The following CLASP2 variants were observed in gnomAD, a reference collection of about 807,000 sequenced individuals.
CLASP2 encodes the protein cytoplasmic linker associated protein 2.
A neutral mutation model predicts 194.4 loss-of-function variants in CLASP2; 47 were observed. That is an observed-to-expected ratio of 0.24 (90% CI 0.19 to 0.31). The LOEUF is 0.31. CLASP2 is among the 10% of genes least tolerant of loss of function. CLASP2 has a pLI of 1.00. For synonymous variants in CLASP2, 619 were observed against 633.5 expected (o/e 0.98, Z 0.34); for missense variants, 1,445 against 1,823.6 (o/e 0.79, Z 3.78).
At chr3:33,575,132 T>A (rs1011561649) in intron 24 of CLASP2, among the ~76,000 whole-genome samples, 2 of 152,100 alleles carry the variant, frequency 1.3e-5, no homozygotes, top group Admixed American at 6.5e-5. Flanking sequence ...TAATTTAATA[T>A]CATCAGAACA....
chr3:33,710,677 G>A (rs955534940), intron 1 of CLASP2, among the ~76,000 whole-genome samples: 1 of 152,234 alleles, frequency 6.6e-6, no homozygotes, highest in Admixed American at 6.5e-5. Flanking sequence ...GCTAACGCCT[G>A]TAATCCCAGT....
intron 33 of CLASP2, 71 bp from the exon 34 acceptor site, chr3:33,535,532 A>G: frequency 8.2e-7 from 1 of 1,215,164 alleles, no homozygotes; most frequent in Non-Finnish European, 1.2e-6. Flanking sequence ...TTCTAAAAAG[A>G]TATTTCTCTA....
At chr3:33,646,752 A>G (rs544721548) in intron 7 of CLASP2, among the ~76,000 whole-genome samples, 3 of 152,334 alleles carry the variant, frequency 2.0e-5, no homozygotes, top group Admixed American at 6.5e-5. Flanking sequence ...TATACAAATC[A>G]TAAGTACACA....
At chr3:33,714,412 A>T (rs2093188431) in intron 1 of CLASP2, among the ~76,000 whole-genome samples, 1 of 152,166 alleles carries the variant, frequency 6.6e-6, no homozygotes, top group Non-Finnish European at 1.5e-5. Context: ...TCTCACACCT[A>T]ACACAGTAAA....
At chr3:33,647,915 C>T (rs2082546009) in intron 7 of CLASP2, among the ~76,000 whole-genome samples, 1 of 151,612 alleles carries the variant, frequency 6.6e-6, no homozygotes, top group Non-Finnish European at 1.5e-5. Context: ...CGCCTGTAGC[C>T]CCAGCTACTC....
intron 36 of CLASP2, chr3:33,514,727 G>T (rs2050798002): frequency 3.4e-6 from 1 of 296,702 alleles, no homozygotes; most frequent in South Asian, 3.2e-5. Flanking sequence ...GCACACAGGT[G>T]TTTATAGCAG....
At chr3:33,713,013 A>AG (rs1491295898) in intron 1 of CLASP2, among the ~76,000 whole-genome samples, 15 of 75,594 alleles carry the variant, frequency 2.0e-4, no homozygotes, top group Non-Finnish European at 2.4e-4. Flanking sequence ...ACTCCACCTC[A>AG]AAAAAAAAAA....
At chr3:33,696,052 A>G (rs1457699632) in intron 2 of CLASP2, among the ~76,000 whole-genome samples, 1 of 152,204 alleles carries the variant, frequency 6.6e-6, no homozygotes, top group East Asian at 1.9e-4. Flanking sequence ...GGATCAATCT[A>G]CAGACTGTCT....
chr3:33,576,147 A>G (rs2064842995), intron 24 of CLASP2, 22 bp downstream of exon 24: 1 of 1,580,696 alleles, frequency 6.3e-7, no homozygotes, highest in Non-Finnish European at 8.7e-7. Flanking sequence ...ATTTATAATG[A>G]TAAGAAAATG....
intron 23 of CLASP2, among the ~76,000 whole-genome samples, chr3:33,579,426 T>A (rs1275416867): frequency 6.6e-6 from 1 of 152,208 alleles, no homozygotes. Flanking sequence ...GTTTACAAAG[T>A]ACAGAAACAC....
intron 7 of CLASP2, among the ~76,000 whole-genome samples, chr3:33,654,228 TTTA>T (rs1375293886): frequency 6.6e-6 from 1 of 152,122 alleles, no homozygotes; most frequent in Non-Finnish European, 1.5e-5. Flanking sequence ...ACGGAATCGT[TTTA>T]TCAAACTCTT....
intron 6 of CLASP2, among the ~76,000 whole-genome samples, chr3:33,680,979 G>C (rs1305813091): frequency 1.3e-5 from 2 of 151,700 alleles, no homozygotes; most frequent in Non-Finnish European, 1.5e-5. Context: ...ACAAAAATTA[G>C]CTGGGCGTGG....
intron 36 of CLASP2, among the ~76,000 whole-genome samples, chr3:33,513,741 AATG>A (rs1286235432): frequency 6.6e-6 from 1 of 152,178 alleles, no homozygotes; most frequent in African/African-American, 2.4e-5. Context: ...CCTAATGACT[AATG>A]ATGTTGAACA....
intron 7 of CLASP2, among the ~76,000 whole-genome samples, chr3:33,660,289 C>T (rs1220392357): frequency 6.6e-6 from 1 of 152,170 alleles, no homozygotes; most frequent in Non-Finnish European, 1.5e-5. Context: ...CTGGTGTTCC[C>T]TCCTTCTAGT....
intron 14 of CLASP2, 150 bp from the exon 15 acceptor site, chr3:33,607,611 T>A (rs2074173384): frequency 2.0e-6 from 1 of 500,414 alleles, no homozygotes; most frequent in Non-Finnish European, 3.5e-6. Flanking sequence ...TCTAAGACCA[T>A]AAGATTTTCT....
chr3:33,658,200 G>A (rs1175643872), intron 7 of CLASP2, among the ~76,000 whole-genome samples: 1 of 152,126 alleles, frequency 6.6e-6, no homozygotes, highest in Non-Finnish European at 1.5e-5. Context: ...GCCTGGATCT[G>A]GGACATATTG....
chr3:33,608,613 A>C lies in CLASP2; in HGVS notation c.1402T>G (p.Phe468Val), dbSNP rs1220044146. ...CACTCTTGCAACAATAAATCTAAAAATTCAAATGAACGTCTGAAAAATAAA... is the reference window on the plus strand; with the variant it reads ...CACTCTTGCAACAATAAATCTAAAACTTCAAATGAACGTCTGAAAAATAAA... The part of the protein sequence containing the change: ...SVPVRRRSFE[F>V]LDLLLQEWQT... Residue 468 changes from phenylalanine to valine, a missense_variant, in exon 14 of 39, where the codon TTT (phenylalanine) becomes GTT (valine). Transcript: ENST00000682230. 6.2e-7 allele frequency: 1 copy of C among 1,609,578 alleles called. No homozygotes were observed. The highest frequency in any genetic ancestry group is 8.5e-7 in the Non-Finnish European group (1 of 1,177,478).
At chr3:33,684,769 G>A (rs943673036) in intron 5 of CLASP2, among the ~76,000 whole-genome samples, 2 of 151,914 alleles carry the variant, frequency 1.3e-5, no homozygotes, top group African/African-American at 2.4e-5. Flanking sequence ...GGAGGCCAAG[G>A]AGGGTGGATT....
intron 7 of CLASP2, chr3:33,645,321 T>C (rs2082091881): frequency 3.9e-6 from 3 of 765,146 alleles, no homozygotes; most frequent in Non-Finnish European, 7.2e-6. Flanking sequence ...CTCATTCCTC[T>C]GAAAGCTCTT....
Sources: allele counts gnomAD v4.1 joint callset (sites outside exome capture counted in the v4.1 genomes callset), GRCh38; gene constraint gnomAD v4.1.1; transcripts MANE v1.5; gene names NCBI Gene and HGNC (gene_info 2026-07-23, HGNC 2026-07-21).